Variants in OVGP1 observed in about 807,000 individuals in gnomAD.
OVGP1 encodes the protein oviduct-specific glycoprotein.
In OVGP1, 26 loss-of-function variants were observed where a neutral mutation model predicts 48.2. That is an observed-to-expected ratio of 0.54 (90% CI 0.40 to 0.75). The LOEUF (loss-of-function observed/expected upper bound fraction) is 0.75, where lower values mean the gene tolerates loss of function less well. Among genes scored for constraint, OVGP1 ranks in the 30% least tolerant of loss-of-function variants. OVGP1 has a pLI of 0.00. For missense variants in OVGP1, 791 were observed against 820.6 expected (o/e 0.96, Z 0.44); for synonymous variants, 294 against 305.7 (o/e 0.96, Z 0.40).
rs538720047 is a variant in OVGP1 at position 111,424,123 on chromosome 1, TGAC to T, written c.318-418_318-416del. ...CAATTCCCACAACCTGTCCTAGCACTGACATTTTCTACCTGACTGGATTAGGGG... is the reference window on the plus strand; with the variant it reads ...CAATTCCCACAACCTGTCCTAGCACTATTTTCTACCTGACTGGATTAGGGG... On this transcript the variant is annotated intron_variant, in intron 4 of 10. Coordinates refer to ENST00000369732, the MANE Select transcript of OVGP1 (RefSeq NM_002557.4). 1.2e-3 allele frequency among the ~76,000 whole-genome samples: 180 copies of T among 152,312 alleles called. 1 individual carries two copies. Among genetic ancestry groups the T allele is most frequent in the African/African-American group, 4.1e-3 (169 of 41,566 alleles).
At chr1:111,423,946 AGGCCAGACGGCACAGG>A (rs1183408980) in intron 4 of OVGP1, among the ~76,000 whole-genome samples, 1 of 152,258 alleles carries the variant, frequency 6.6e-6, no homozygotes, top group African/African-American at 2.4e-5. Context: ...TACTGCCCCA[AGGCCAGACGGCACAGG>A]GAACAGCAGG....
intron 4 of OVGP1, among the ~76,000 whole-genome samples, chr1:111,424,445 T>C (rs1048029431): frequency 6.6e-6 from 1 of 152,200 alleles, no homozygotes; most frequent in African/African-American, 2.4e-5. Context: ...CTGGGTTCCA[T>C]GGTCAGTTTC....
chr1:111,419,978 C>A (rs1190002900), intron 8 of OVGP1, among the ~76,000 whole-genome samples: 1 of 152,160 alleles, frequency 6.6e-6, no homozygotes, highest in Non-Finnish European at 1.5e-5. Context: ...TGGATGACAT[C>A]CTTAAGAAAC....
rs749446744 is a variant in OVGP1 at position 111,415,298 on chromosome 1, C to T, written c.1203G>A (p.Val401=). The change falls in exon 11 of 11, where the codon GTG becomes GTA. Residue 401 remains valine (V), a synonymous_variant. Transcript: ENST00000369732. ...TTTCAGGGTCAGTGCTTGAAGAATT[C>T]ACAGCAGATGACAGCCAAAATTGTG... The part of the protein sequence containing the change: ...SLPQFWLSSA[V]NSSSTDPERL... 1 of 1,613,744 alleles carries T rather than the reference C, an allele frequency of 6.2e-7. No individual in the cohort carries two copies. Among genetic ancestry groups the T allele is most frequent in the South Asian group, 1.1e-5 (1 of 91,068 alleles).
rs41301295 is a variant in OVGP1, at chr1:111,423,057, A to T, written c.484-6T>A. 11,483 of 1,613,828 alleles carry T rather than the reference A, an allele frequency of 7.1e-3. 514 individuals are homozygous for T. In the African/African-American group the frequency reaches 0.11, roughly 16 times the overall value. On this transcript the variant is annotated splice_polypyrimidine_tract_variant and splice_region_variant and intron_variant, in intron 5 of 10. Coordinates refer to ENST00000369732, the MANE Select transcript of OVGP1 (RefSeq NM_002557.4). ...CGGAAGGCAAACAGGAGCTCCTAAG[A>T]GGAAAGACAGAAAGACACAGAGAAC...
In OVGP1 at chr1:111,421,330, T is replaced by G; in HGVS notation, c.849A>C (p.Gly283=). The G allele has an allele frequency of 6.2e-7, 1 of 1,613,900 alleles. No individual in the cohort carries two copies. Among genetic ancestry groups the G allele is most frequent in the Non-Finnish European group, 8.5e-7 (1 of 1,179,936 alleles). ...SKNGLQARAI[G]PASPGKYTKQ... is the part of the protein sequence containing the mutation. ...TGGTGTACTTCCCTGGAGATGCTGG[T>G]CCGATCGCTCTGGCCTGCAACCCAT... is the stretch of plus-strand genomic sequence containing the variant. The change falls in exon 8 of 11, where the codon GGA becomes GGC. Residue 283 remains glycine (G), a synonymous_variant. Transcript: ENST00000369732.
chr1:111,416,192 G>T, intron 10 of OVGP1, 131 bp downstream of exon 10: 1 of 957,782 alleles, frequency 1.0e-6, no homozygotes, highest in Non-Finnish European at 1.5e-6. Context: ...AAACATATTG[G>T]CCTGGCAAAG....
chr1:111,416,262 G>T, intron 10 of OVGP1, 61 bp downstream of exon 10: 1 of 1,467,106 alleles, frequency 6.8e-7, no homozygotes, highest in Non-Finnish European at 9.1e-7. Flanking sequence ...TAGCAGAAGG[G>T]CCTTACCCAG....
chr1:111,421,602 C>A lies in OVGP1; in HGVS notation c.680G>T (p.Ser227Ile), dbSNP rs753299742. The A allele has an allele frequency of 1.2e-6, 2 of 1,613,088 alleles. No individual in the cohort carries two copies. Among genetic ancestry groups the A allele is most frequent in the South Asian group, 2.2e-5 (2 of 91,046 alleles). Residue 227 changes from serine to isoleucine, a missense_variant, in exon 7 of 11, where the codon AGC becomes ATC. By Grantham distance (142) the Ser-to-Ile change is moderately radical (BLOSUM62 -2). Coordinates refer to ENST00000369732, the MANE Select transcript of OVGP1 (RefSeq NM_002557.4). ...GTCTTCAGGCAGAGAGAAGAGGGGGCTATTATGTCCTGTGAACCTTTCCCA... is the reference window on the plus strand; with the variant it reads ...GTCTTCAGGCAGAGAGAAGAGGGGGATATTATGTCCTGTGAACCTTTCCCA... ...GSWERFTGHNSPLFSLPEDPK... is the reference protein window; with the variant it reads ...GSWERFTGHNIPLFSLPEDPK...
intron 3 of OVGP1, 87 bp downstream of exon 3, chr1:111,426,350 A>G (rs1361492408): frequency 1.3e-6 from 2 of 1,583,340 alleles, no homozygotes; most frequent in African/African-American, 1.3e-5. Flanking sequence ...GAAATAGAAG[A>G]AAGTTGAAGA....
chr1:111,416,660 C>G (rs1285673736), intron 9 of OVGP1: 3 of 386,958 alleles, frequency 7.8e-6, no homozygotes. Flanking sequence ...TTAACTGCCT[C>G]ATTTGTGAAA....
At chr1:111,418,306 T>TAGA (rs1652182558) in intron 9 of OVGP1, among the ~76,000 whole-genome samples, 2 of 152,200 alleles carry the variant, frequency 1.3e-5, no homozygotes, top group Admixed American at 1.3e-4. Flanking sequence ...CTATGGGTCA[T>TAGA]AGACTTAACT....
intron 3 of OVGP1, 52 bp downstream of exon 3, chr1:111,426,385 C>A (rs1206254652): frequency 1.2e-6 from 2 of 1,612,026 alleles, no homozygotes; most frequent in East Asian, 4.5e-5. Flanking sequence ...AGACTGTTAT[C>A]TTATACCTGT....
chr1:111,425,257 TG>T, intron 4 of OVGP1, 125 bp downstream of exon 4: 1 of 1,039,468 alleles, frequency 9.6e-7, no homozygotes, highest in Non-Finnish European at 1.4e-6. Context: ...CTAAGATTCA[TG>T]AGTTGGGGAA....
Position 111,425,273 on chromosome 1 carries a change from T to C in OVGP1, c.317+110A>G, listed in dbSNP as rs575071982. 8.9e-6 allele frequency: 11 copies of C among 1,230,434 alleles called. No individual in the cohort carries two copies. The East Asian group carries it at 2.0e-4, about 23-fold the overall frequency. The allele number at this position is 1,230,434 out of a possible 1,614,324, so 76.2% of individuals were successfully genotyped here. A position where few individuals can be genotyped will look rare whatever the true frequency, so the allele number is the denominator to read the frequency against. On this transcript the variant is annotated intron_variant, in intron 4 of 10. Coordinates refer to ENST00000369732, the MANE Select transcript of OVGP1 (RefSeq NM_002557.4). ...TAAGATTCATGAGTTGGGGAAGTAT[T>C]TGCGCTAGCTTTGCTGTCCGCATGG...
In OVGP1 at chr1:111,415,064, C is replaced by A; in HGVS notation, c.1437G>T (p.Met479Ile). Residue 479 changes from methionine (M) to isoleucine (I), a missense_variant, in exon 11 of 11, where the codon ATG becomes ATT. By Grantham distance (10) the Met-to-Ile change is conservative. Coordinates refer to ENST00000369732, the MANE Select transcript of OVGP1 (RefSeq NM_002557.4). ...EKTEITGAMTMTSVGHQSMTP... is the reference protein window; with the variant it reads ...EKTEITGAMTITSVGHQSMTP... ...TCATGGACTGATGACCCACAGAAGT[C>A]ATGGTCATTGCCCCAGTGATCTCAG... 3 of 1,614,184 alleles carry A rather than the reference C, an allele frequency of 1.9e-6. No individual in the cohort carries two copies. Among genetic ancestry groups the A allele is most frequent in the Non-Finnish European group, 2.5e-6 (3 of 1,179,994 alleles).
chr1:111,415,012 C>T lies in OVGP1; in HGVS notation c.1489G>A (p.Val497Met), dbSNP rs770954004. The change falls in exon 11 of 11, where the codon GTG (valine) becomes ATG (methionine). Residue 497 changes from valine to methionine, a missense_variant. Coordinates refer to ENST00000369732, the MANE Select transcript of OVGP1 (RefSeq NM_002557.4). ...CCAGTGGTCACAGATTGATGACCCA[C>T]AGGGGTCAGGGCCTTCTCTCCAGGG... The part of the protein sequence containing the change: ...MTPGEKALTP[V>M]GHQSVTTGQK... 8 of 1,611,824 alleles carry T rather than the reference C, an allele frequency of 5.0e-6. No individual in the cohort carries two copies. The highest frequency in any genetic ancestry group is 2.2e-5 in the South Asian group (2 of 90,916).
Position 111,415,102 on chromosome 1 carries a change from G to C in OVGP1, c.1399C>G (p.Leu467Val), listed in dbSNP as rs760970491. 6.2e-7 allele frequency: 1 copy of C among 1,614,186 alleles called. No homozygotes were observed. ...TVSLGKHTVA[L>V]GEKTEITGAM... ...CCAGTGATCTCAGTCTTCTCTCCTA[G>C]AGCTACAGTGTGCTTTCCAAGGGAT... Residue 467 changes from leucine to valine, a missense_variant, in exon 11 of 11, where the codon CTA (leucine) becomes GTA (valine). Leu to Val is a conservative substitution (Grantham distance 32). Coordinates refer to ENST00000369732, the MANE Select transcript of OVGP1 (RefSeq NM_002557.4).
chr1:111,416,275 C>CT, intron 10 of OVGP1, 48 bp downstream of exon 10: 1 of 1,511,856 alleles, frequency 6.6e-7, no homozygotes, highest in Non-Finnish European at 8.9e-7. Context: ...TTACCCAGTG[C>CT]TTGGTTATGC....
Sources: allele counts gnomAD v4.1 joint callset (sites outside exome capture counted in the v4.1 genomes callset), GRCh38; gene constraint gnomAD v4.1.1; transcripts MANE v1.5; gene names NCBI Gene and HGNC (gene_info 2026-07-23, HGNC 2026-07-21).